DLGAP2: variants seen among roughly 807,000 people sequenced by gnomAD.
DLGAP2 encodes DLG associated protein 2.
In DLGAP2, 26 loss-of-function variants were observed where a neutral mutation model predicts 100.3. That is an observed-to-expected ratio of 0.26 (90% CI 0.19 to 0.36). DLGAP2 has a LOEUF of 0.36. DLGAP2 is among the 10% of genes least tolerant of loss of function. DLGAP2 has a pLI of 1.00. For synonymous variants in DLGAP2, 886 were observed against 630.1 expected (o/e 1.41, Z -6.08); for missense variants, 1,858 against 1,453.2 (o/e 1.28, Z -4.53).
chr8:1,372,457 C>T (rs1802264931), intron 3 of DLGAP2, among the ~76,000 whole-genome samples: 1 of 152,190 alleles, frequency 6.6e-6, no homozygotes, highest in African/African-American at 2.4e-5. Context: ...GTGCGAGTCC[C>T]CTCCACAGCA....
intron 2 of DLGAP2, among the ~76,000 whole-genome samples, chr8:1,241,407 T>C (rs1297715244): frequency 6.6e-6 from 1 of 152,274 alleles, no homozygotes; most frequent in Non-Finnish European, 1.5e-5. Context: ...CATGGCCCTG[T>C]GTCCAGTTCT....
At chr8:1,145,792 T>G in intron 2 of DLGAP2, among the ~76,000 whole-genome samples, 1 of 126,082 alleles carries the variant, frequency 7.9e-6, no homozygotes, top group Admixed American at 9.3e-5. Context: ...GTCCCCAGAG[T>G]GTGATGTTCC....
intron 2 of DLGAP2, among the ~76,000 whole-genome samples, chr8:1,183,082 C>G (rs796677908): frequency 3.9e-5 from 6 of 152,166 alleles, no homozygotes; most frequent in African/African-American, 7.2e-5. Flanking sequence ...TCGGTAAGAG[C>G]TGGGATGACA....
At chr8:1,165,550 G>C (rs1796999090) in intron 2 of DLGAP2, among the ~76,000 whole-genome samples, 1 of 152,220 alleles carries the variant, frequency 6.6e-6, no homozygotes, top group Non-Finnish European at 1.5e-5. Context: ...GCCAAGCCTT[G>C]TTCTAGATAC....
At chr8:1,251,661 A>AGGTCATGTTGGAATAC (rs1420627686) in intron 2 of DLGAP2, among the ~76,000 whole-genome samples, 47 of 152,222 alleles carry the variant, frequency 3.1e-4, no homozygotes, top group Non-Finnish European at 5.3e-4. Context: ...CCTCTGTGTC[A>AGGTCATGTTGGAATAC]GGTCATGTTG....
intron 2 of DLGAP2, among the ~76,000 whole-genome samples, chr8:926,313 T>G (rs1798814817): frequency 6.6e-6 from 1 of 152,176 alleles, no homozygotes; most frequent in African/African-American, 2.4e-5. Context: ...CCGTTCTTCC[T>G]TCCCAGATCC....
intron 2 of DLGAP2, among the ~76,000 whole-genome samples, chr8:1,239,027 T>G (rs376607335): frequency 8.9e-4 from 1 of 1,128 alleles, no homozygotes; most frequent in Non-Finnish European, 1.8e-3. Context: ...ACATGGTGCC[T>G]TGTCTAGTTC....
intron 3 of DLGAP2, among the ~76,000 whole-genome samples, chr8:1,282,287 A>ACCTGAACCCAGCGC (rs1799833932): frequency 3.5e-5 from 5 of 144,384 alleles, no homozygotes; most frequent in African/African-American, 1.3e-4. Flanking sequence ...ACATGGTGTG[A>ACCTGAACCCAGCGC]CCTGAACCCA....
intron 2 of DLGAP2, among the ~76,000 whole-genome samples, chr8:922,600 G>A (rs922003198): frequency 2.0e-5 from 3 of 152,160 alleles, no homozygotes; most frequent in African/African-American, 7.2e-5. Flanking sequence ...GTGGGAGTGT[G>A]CATTGTGTTC....
chr8:1,220,371 A>T (rs1416678875), intron 2 of DLGAP2, among the ~76,000 whole-genome samples: 1 of 152,154 alleles, frequency 6.6e-6, no homozygotes, highest in African/African-American at 2.4e-5. Flanking sequence ...CCCAAAAGTA[A>T]TTCAAGAGGA....
chr8:1,214,095 C>T (rs1798163180), intron 2 of DLGAP2, among the ~76,000 whole-genome samples: 3 of 152,206 alleles, frequency 2.0e-5, no homozygotes, highest in South Asian at 2.1e-4. Context: ...GCCTGGAACC[C>T]TCCCCAGGGG....
At chr8:1,571,403 G>T (rs796185095) in intron 6 of DLGAP2, among the ~76,000 whole-genome samples, 12 of 134,714 alleles carry the variant, frequency 8.9e-5, no homozygotes, top group African/African-American at 3.3e-4. Context: ...CATCTGATGA[G>T]ATGGAGAGGA....
At chr8:1,022,729 G>A (rs1801664208) in intron 2 of DLGAP2, among the ~76,000 whole-genome samples, 1 of 150,820 alleles carries the variant, frequency 6.6e-6, no homozygotes, top group African/African-American at 2.4e-5. Context: ...ACCGTGCCGA[G>A]GTAGATGCTC....
At chr8:971,814 G>A (rs1035158141) in intron 2 of DLGAP2, among the ~76,000 whole-genome samples, 1 of 152,098 alleles carries the variant, frequency 6.6e-6, no homozygotes, top group Non-Finnish European at 1.5e-5. Flanking sequence ...GAGAGTGAAG[G>A]GGAATTCTCA....
chr8:1,582,194 C>T (rs34573645), intron 6 of DLGAP2, among the ~76,000 whole-genome samples: 4 of 49,196 alleles, frequency 8.1e-5, no homozygotes, highest in African/African-American at 1.5e-4. Context: ...TACAGACAAA[C>T]CCCCACACAC....
At chr8:1,672,491 G>T (rs1798715957) in intron 10 of DLGAP2, among the ~76,000 whole-genome samples, 1 of 152,188 alleles carries the variant, frequency 6.6e-6, no homozygotes, top group Admixed American at 6.5e-5. Context: ...GCCTCCCCAA[G>T]TGCTGGGATT....
chr8:1,638,682 A>T (rs1797826779), intron 8 of DLGAP2, among the ~76,000 whole-genome samples: 1 of 152,088 alleles, frequency 6.6e-6, no homozygotes, highest in Admixed American at 6.5e-5. Flanking sequence ...GGGAGCCGTG[A>T]AGAGGCTTTT....
chr8:1,407,811 A>C (rs1796612269), intron 3 of DLGAP2, among the ~76,000 whole-genome samples: 1 of 149,238 alleles, frequency 6.7e-6, no homozygotes, highest in Non-Finnish European at 1.5e-5. Context: ...TCGTGTATTG[A>C]GTGCTTACTG....
chr8:748,276 G>A (rs1283992598), intron 1 of DLGAP2, among the ~76,000 whole-genome samples: 1 of 151,752 alleles, frequency 6.6e-6, no homozygotes, highest in Non-Finnish European at 1.5e-5. Flanking sequence ...TCTGTGGTGG[G>A]ATGGGTGGAC....
Sources: gnomAD v4.1 joint callset for allele counts (sites outside exome capture counted in the v4.1 genomes callset) on GRCh38, gnomAD v4.1.1 for gene constraint, MANE v1.5 for transcripts, NCBI Gene and HGNC (gene_info 2026-07-23, HGNC 2026-07-21) for gene names.